The following WDHD1 variants were observed in gnomAD, a reference collection of about 807,000 sequenced individuals.
WDHD1 encodes WD repeat and HMG-box DNA binding protein 1.
Under a neutral mutation model 135.4 loss-of-function variants are expected in WDHD1, and 111 were observed. The observed-to-expected ratio is 0.82, with a 90% CI of 0.70 to 0.96. The LOEUF (loss-of-function observed/expected upper bound fraction) is 0.96, where lower values mean the gene tolerates loss of function less well. Among genes scored for constraint, WDHD1 ranks in the 40% least tolerant of loss-of-function variants. The probability of loss-of-function intolerance (pLI) is 0.00; values close to 1 mark genes in which losing one functional copy is unlikely to be tolerated. For missense variants in WDHD1, 1,351 were observed against 1,336.3 expected, an observed-to-expected ratio of 1.01 and a Z score of -0.17; for synonymous variants, 434 against 439.0, an observed-to-expected ratio of 0.99 and a Z score of 0.14.
intron 7 of WDHD1, chr14:55,004,903 A>G: frequency 1.9e-6 from 1 of 522,688 alleles, no homozygotes; most frequent in South Asian, 1.4e-5. Flanking sequence ...TGAGCACTCC[A>G]GTTTTCAGGA....
chr14:55,014,921 A>T (rs2042235068), intron 2 of WDHD1, among the ~76,000 whole-genome samples: 1 of 152,112 alleles, frequency 6.6e-6, no homozygotes, highest in Non-Finnish European at 1.5e-5. Context: ...ATGAAAAAAA[A>T]TATAGTTAAT....
chr14:54,975,514 AT>A (rs1460950381), intron 16 of WDHD1, among the ~76,000 whole-genome samples: 1 of 151,842 alleles, frequency 6.6e-6, no homozygotes, highest in Non-Finnish European at 1.5e-5. Context: ...GGCCTGGCTA[AT>A]TTTTGTATTT....
At chr14:54,984,697 GT>G (rs752812605) in intron 15 of WDHD1, 25 bp downstream of exon 15, 5 of 1,581,674 alleles carry the variant, frequency 3.2e-6, no homozygotes, top group Non-Finnish European at 4.3e-6. Flanking sequence ...TATTATACTT[GT>G]TTTTTTTAAA....
chr14:54,972,553 CAAAAAAAAAAAAAAAAAAAAAA>C lies in WDHD1; in HGVS notation c.2064-5181_2064-5160del, dbSNP rs71410642. 8.9e-3 allele frequency among the ~76,000 whole-genome samples: 227 copies of C among 25,506 alleles called. 5 individuals are homozygous for C. Among genetic ancestry groups the C allele is most frequent in the Non-Finnish European group, 0.011 (165 of 15,222 alleles). The allele number at this position is 25,506 out of a possible 152,430, so 16.7% of individuals were successfully genotyped here. A position where few individuals can be genotyped will look rare whatever the true frequency, so the allele number is the denominator to read the frequency against. On this transcript the variant is annotated intron_variant, in intron 16 of 25. Transcript: ENST00000360586. ...CCTGGGCAATAAAGCAAGACTGTCA[CAAAAAAAAAAAAAAAAAAAAAA>C]AAAAAAAAAAAAAAATGCCAATGAG...
chr14:54,991,226 G>C lies in WDHD1; in HGVS notation c.1328C>G (p.Thr443Ser). Reference protein sequence around the residue: ...FQSGSTPLHLTHRFMVWNSIG... With the variant: ...FQSGSTPLHLSHRFMVWNSIG... ...TCCAAGTCTTACCATGAATCTGTGA[G>C]TGAGATGCAACGGTGTAGAACCTGA... The change falls in exon 12 of 26, where the codon ACT becomes AGT. Residue 443 changes from threonine (T) to serine (S), a missense_variant. By Grantham distance (58) the Thr-to-Ser change is moderately conservative. This residue lies in a region of WDHD1 where 1,330 missense variants were observed against 1,296.1 expected (regional missense o/e 1.03). Transcript: ENST00000360586. The C allele has an allele frequency of 6.8e-7, 1 of 1,478,188 alleles. No homozygotes were observed. Among genetic ancestry groups the C allele is most frequent in the Non-Finnish European group, 9.1e-7 (1 of 1,100,602 alleles). 91.6% of individuals were successfully genotyped at this position (1,478,188 alleles called of 1,614,324 possible).
intron 18 of WDHD1, among the ~76,000 whole-genome samples, chr14:54,965,864 G>A (rs1389595414): frequency 6.6e-6 from 1 of 151,696 alleles, no homozygotes; most frequent in African/African-American, 2.4e-5. Flanking sequence ...GTTGAGGCAG[G>A]AGAATCACTT....
intron 16 of WDHD1, among the ~76,000 whole-genome samples, chr14:54,979,576 T>A (rs1486396033): frequency 6.6e-6 from 1 of 152,214 alleles, no homozygotes; most frequent in Non-Finnish European, 1.5e-5. Flanking sequence ...ACCGTTAACC[T>A]CCATGTAGCC....
At chr14:54,980,154 G>A (rs1313695430) in intron 16 of WDHD1, among the ~76,000 whole-genome samples, 2 of 152,008 alleles carry the variant, frequency 1.3e-5, no homozygotes, top group Non-Finnish European at 2.9e-5. Flanking sequence ...GTGAAACCCT[G>A]TCTCTACAAA....
chr14:55,010,314 T>C lies in WDHD1; in HGVS notation c.336A>G (p.Gly112=). ...FNGDGTKIAA[G]SSDFLVKIVD... ...CTGATGTCAAAGAGCCTTACCTAGA[T>C]CCAGCAGCAATTTTAGTACCATCCC... is the stretch of plus-strand genomic sequence containing the variant. The change falls in exon 4 of 26, where the codon GGA becomes GGG. Residue 112 remains glycine (G), a synonymous_variant. Transcript: ENST00000360586. The C allele has an allele frequency of 6.3e-7, 1 of 1,599,496 alleles. No homozygotes were observed. Among genetic ancestry groups the C allele is most frequent in the Non-Finnish European group, 8.5e-7 (1 of 1,174,874 alleles).
rs1177332453 is a variant in WDHD1, at chr14:54,957,518, T to C, written c.2745+74A>G. 7 of 1,307,144 alleles carry C rather than the reference T, an allele frequency of 5.4e-6. No individual in the cohort carries two copies. In the African/African-American group the frequency reaches 7.5e-5, roughly 14 times the overall value. 81.0% of individuals were successfully genotyped at this position (1,307,144 alleles called of 1,614,324 possible). On this transcript the variant is annotated intron_variant, in intron 22 of 25. Transcript: ENST00000360586. The stretch of plus-strand genomic sequence containing the variant: ...ATGCCTCCAAGTCTGGGGAGAGTCA[T>C]CTCATCATTTGGAAATATTTCTTTG...
intron 7 of WDHD1, chr14:55,005,149 CT>C: frequency 1.9e-6 from 1 of 537,118 alleles, no homozygotes. Context: ...TGCGAACTTC[CT>C]GGATCGGCAT....
intron 17 of WDHD1, 136 bp from the exon 18 acceptor site, chr14:54,966,742 T>C (rs187794970): frequency 1.5e-5 from 16 of 1,070,570 alleles, no homozygotes; most frequent in East Asian, 8.7e-5. Context: ...TATTTTACAA[T>C]TTAAATTCTA....
chr14:55,014,181 C>T (rs1042900533), intron 2 of WDHD1, among the ~76,000 whole-genome samples: 1 of 152,222 alleles, frequency 6.6e-6, no homozygotes, highest in Non-Finnish European at 1.5e-5. Context: ...AAACCCTCCG[C>T]CTCCCAGGCT....
chr14:54,984,913 C>T (rs1292492145), intron 14 of WDHD1, 53 bp from the exon 15 acceptor site: 35 of 1,583,534 alleles, frequency 2.2e-5, no homozygotes, highest in East Asian at 6.8e-5. Context: ...CCAACTATAA[C>T]GCAGTCTAAA....
chr14:54,976,629 C>G (rs1026721954), intron 16 of WDHD1, among the ~76,000 whole-genome samples: 11 of 152,282 alleles, frequency 7.2e-5, no homozygotes, highest in African/African-American at 2.6e-4. Flanking sequence ...AATGAATCAT[C>G]TCTAAATATG....
chr14:54,945,121 T>C (rs1016266936), intron 24 of WDHD1, among the ~76,000 whole-genome samples: 2 of 152,188 alleles, frequency 1.3e-5, no homozygotes, highest in Non-Finnish European at 2.9e-5. Flanking sequence ...AGGCTCTTTT[T>C]CTATTTCCCC....
rs779710468 is a variant in WDHD1, at chr14:55,000,525, C to T, written c.920G>A (p.Ser307Asn). 1.9e-6 allele frequency: 3 copies of T among 1,604,926 alleles called. No homozygotes were observed. The Admixed American group carries it at 5.1e-5, about 27-fold the overall frequency. The change falls in exon 10 of 26, where the codon AGT becomes AAT. Residue 307 changes from serine to asparagine, a missense_variant. Ser to Asn is a conservative substitution (Grantham distance 46). Around this residue, in one of 2 missense-constraint regions of WDHD1, gnomAD observed 1,330 missense variants for 1,296.1 expected, o/e 1.03. Transcript: ENST00000360586. ...TACCTTACTGCTTGATGTCTTTCCA[C>T]TGGGGTCACAAACATTCTCTAGAAG... The part of the protein sequence containing the change: ...LGLLENVCDP[S>N]GKTSSSKVSS...
intron 16 of WDHD1, among the ~76,000 whole-genome samples, chr14:54,979,646 G>T (rs2041585353): frequency 6.6e-6 from 1 of 152,136 alleles, no homozygotes; most frequent in Non-Finnish European, 1.5e-5. Flanking sequence ...TTATTGAATT[G>T]CTGCTTTGTT....
At chr14:55,024,490 ACT>A (rs2042399829) in intron 2 of WDHD1, among the ~76,000 whole-genome samples, 1 of 152,040 alleles carries the variant, frequency 6.6e-6, no homozygotes, top group Non-Finnish European at 1.5e-5. Flanking sequence ...CTGAATGTTT[ACT>A]CTTTTCTACA....
Sources: gnomAD v4.1 joint callset for allele counts (sites outside exome capture counted in the v4.1 genomes callset) on GRCh38, gnomAD v4.1.1 for gene constraint, gnomAD v4.1.1 regional missense constraint, MANE v1.5 for transcripts, NCBI Gene and HGNC (gene_info 2026-07-23, HGNC 2026-07-21) for gene names.